The following OPHN1 variants were observed in gnomAD, a reference collection of about 807,000 sequenced individuals.
OPHN1 encodes the protein oligophrenin-1.
A neutral mutation model predicts 60.7 loss-of-function variants in OPHN1; 11 were observed. The ratio of observed to expected loss-of-function variants is 0.18; its 90% confidence interval spans 0.11 to 0.30. The LOEUF (loss-of-function observed/expected upper bound fraction) is 0.30, where lower values mean the gene tolerates loss of function less well. OPHN1 is among the 10% of genes least tolerant of loss of function. The pLI is 1.00. For synonymous variants in OPHN1, 226 were observed against 222.6 expected (o/e 1.02, Z -0.14); for missense variants, 449 against 611.0 (o/e 0.73, Z 2.80).
At chrX:68,073,127 G>T (rs2076940850) in intron 20 of OPHN1, 25 bp downstream of exon 20, 3 of 1,194,038 alleles carry the variant, frequency 2.5e-6, no homozygotes, top group Admixed American at 2.3e-5. Flanking sequence ...CCATTCAGAA[G>T]CTAAAGGTGA....
intron 2 of OPHN1, among the ~76,000 whole-genome samples, chrX:68,404,238 C>T (rs778930043): frequency 1.4e-4 from 15 of 108,030 alleles, no homozygotes; most frequent in Non-Finnish European, 2.5e-4. Context: ...CGGTTCACTG[C>T]GACCTCCGCC....
At chrX:68,336,842 T>TGTGA (rs2078325850) in intron 2 of OPHN1, among the ~76,000 whole-genome samples, 1 of 110,286 alleles carries the variant, frequency 9.1e-6, no homozygotes, top group Admixed American at 9.8e-5. Context: ...TCACTTGAGG[T>TGTGA]CAGGAGTTTG....
chrX:68,075,906 T>G (rs1036955977), intron 19 of OPHN1, among the ~76,000 whole-genome samples: 1 of 109,642 alleles, frequency 9.1e-6, no homozygotes, highest in African/African-American at 3.3e-5. Context: ...ATCTTTGTAA[T>G]CTTAGGTTAG....
chrX:68,404,491 C>T (rs910926157), intron 2 of OPHN1, among the ~76,000 whole-genome samples: 2 of 111,375 alleles, frequency 1.8e-5, no homozygotes, highest in Non-Finnish European at 3.8e-5. Context: ...TATAATCCAG[C>T]AATCCCACTT....
chrX:68,400,200 T>C (rs2078706517), intron 2 of OPHN1, among the ~76,000 whole-genome samples: 1 of 111,766 alleles, frequency 8.9e-6, no homozygotes, highest in South Asian at 3.7e-4. Flanking sequence ...TGGGTCTGCT[T>C]CCACACTGTG....
chrX:68,331,510 T>C (rs958211896), intron 2 of OPHN1, among the ~76,000 whole-genome samples: 2 of 108,788 alleles, frequency 1.8e-5, no homozygotes, highest in Admixed American at 2.0e-4. Flanking sequence ...GGTGGGTGGA[T>C]AGCTTGAGGC....
chrX:68,287,910 T>C (rs1438491541), intron 3 of OPHN1, among the ~76,000 whole-genome samples: 3 of 112,054 alleles, frequency 2.7e-5, no homozygotes, highest in African/African-American at 9.7e-5. Flanking sequence ...TTTTCAACTA[T>C]TCCCACCGTG....
At position 68,411,193 on chromosome X, in the gene OPHN1, T is replaced by C. The variant is rs181368795; in HGVS notation, c.154+21674A>G. ...CAGGCATACAAGTGCAGGTTTATTA[T>C]ATAGTTAAATTGCATGTCACGGGGG... On this transcript the variant is annotated intron_variant, in intron 2 of 24. Transcript: ENST00000355520. 4.4e-4 allele frequency among the ~76,000 whole-genome samples: 49 copies of C among 112,217 alleles called. No individual in the cohort carries two copies. In the Admixed American group the frequency reaches 4.6e-3, roughly 10 times the overall value.
intron 5 of OPHN1, among the ~76,000 whole-genome samples, chrX:68,242,899 A>G (rs1242836064): frequency 1.8e-5 from 2 of 110,573 alleles, no homozygotes; most frequent in Admixed American, 9.7e-5. Context: ...ATGGAGTCTT[A>G]CTGTGTTGCC....
At chrX:68,335,181 A>T (rs866191188) in intron 2 of OPHN1, among the ~76,000 whole-genome samples, 1 of 101,644 alleles carries the variant, frequency 9.8e-6, no homozygotes, top group Admixed American at 1.1e-4. Context: ...AAAAAAAAAA[A>T]GCGGGGGGGT....
chrX:68,238,803 C>G (rs926655145), intron 5 of OPHN1, among the ~76,000 whole-genome samples: 1 of 111,231 alleles, frequency 9.0e-6, no homozygotes, highest in South Asian at 3.8e-4. Flanking sequence ...GGCATGTGGG[C>G]TTTAACCCCA....
At chrX:68,057,424 G>A (rs953988769) in intron 21 of OPHN1, among the ~76,000 whole-genome samples, 4 of 111,371 alleles carry the variant, frequency 3.6e-5, no homozygotes, top group South Asian at 3.8e-4. Context: ...GCTGGGAGGC[G>A]GAGTTGTGGA....
At chrX:68,367,158 G>A (rs774461353) in intron 2 of OPHN1, among the ~76,000 whole-genome samples, 21 of 110,229 alleles carry the variant, frequency 1.9e-4, no homozygotes, top group Non-Finnish European at 3.6e-4. Context: ...TCAGGAGTCT[G>A]AGACCAGCCT....
intron 2 of OPHN1, among the ~76,000 whole-genome samples, chrX:68,396,905 G>A (rs1054074660): frequency 8.9e-6 from 1 of 111,984 alleles, no homozygotes. Context: ...AAATTTACCC[G>A]TTACTCCTCT....
chrX:68,246,802 T>C (rs1278446899), intron 5 of OPHN1, among the ~76,000 whole-genome samples: 2 of 111,413 alleles, frequency 1.8e-5, no homozygotes, highest in Non-Finnish European at 3.8e-5. Flanking sequence ...GTCTAGATAT[T>C]TGACCCCCAT....
chrX:68,050,982 T>C (rs1036013398), intron 23 of OPHN1, among the ~76,000 whole-genome samples: 3 of 112,098 alleles, frequency 2.7e-5, no homozygotes, highest in Non-Finnish European at 5.6e-5. Context: ...TCATCTGCTA[T>C]GGTAGAATGA....
At chrX:68,377,091 A>G (rs1176563780) in intron 2 of OPHN1, among the ~76,000 whole-genome samples, 1 of 97,109 alleles carries the variant, frequency 1.0e-5, no homozygotes, top group African/African-American at 4.2e-5. Context: ...CAACACATGC[A>G]GCTAATTTTT....
chrX:68,299,114 C>A lies in OPHN1; in HGVS notation c.155-18G>T. 9.8e-7 allele frequency: 1 copy of A among 1,025,344 alleles called. No homozygotes were observed. Among genetic ancestry groups the A allele is most frequent in the South Asian group, 1.9e-5 (1 of 52,840 alleles). 84.5% of individuals were successfully genotyped at this position (1,025,344 alleles called of 1,213,427 possible). A position where few individuals can be genotyped will look rare whatever the true frequency, so the allele number is the denominator to read the frequency against. ...AGAATAATCTGCAAAGGAAGGGTAA[C>A]AAGAGAAATGTTCAACAATGCTATG... On this transcript the variant is annotated intron_variant, in intron 2 of 24. Transcript: ENST00000355520.
rs1179122402 is a variant in OPHN1, at chrX:68,043,371, T to TAA, written c.*3799_*3800dup. ...ATGTACCCTAAAACTTAGAGTATAA[T>TAA]AAAAAAAAGAAAAAAAAAAGAAAAA... On this transcript the variant is annotated 3_prime_UTR_variant, in exon 25 of 25. Transcript: ENST00000355520. 1 of 70,735 alleles carries TAA rather than the reference T, an allele frequency of 1.4e-5. No individual in the cohort carries two copies. Among genetic ancestry groups the TAA allele is most frequent in the African/African-American group, 7.5e-5 (1 of 13,334 alleles). 5.8% of individuals were successfully genotyped at this position (70,735 alleles called of 1,213,427 possible). A position where few individuals can be genotyped will look rare whatever the true frequency, so the allele number is the denominator to read the frequency against.
Sources: allele counts gnomAD v4.1 joint callset (sites outside exome capture counted in the v4.1 genomes callset), GRCh38; gene constraint gnomAD v4.1.1; transcripts MANE v1.5; gene names NCBI Gene and HGNC (gene_info 2026-07-23, HGNC 2026-07-21).